Variants in RBBP8 observed in about 807,000 individuals in gnomAD.
RBBP8 encodes the protein RB binding protein 8, endonuclease, also known as DNA endonuclease RBBP8.
In RBBP8, 88 loss-of-function variants were observed where a neutral mutation model predicts 108.3. That is an observed-to-expected ratio of 0.81 (90% CI 0.68 to 0.97). The LOEUF (loss-of-function observed/expected upper bound fraction) is 0.97, where lower values mean the gene tolerates loss of function less well. RBBP8 is among the 50% of genes least tolerant of loss of function. The pLI, the probability that RBBP8 is intolerant of heterozygous loss-of-function variation, is 0.00. For synonymous variants in RBBP8, 332 were observed against 348.2 expected (o/e 0.95, Z 0.52); for missense variants, 1,023 against 1,049.0 (o/e 0.98, Z 0.34).
upstream of RBBP8, among the ~76,000 whole-genome samples, chr18:22,930,921 ACCACTGTGT>A (rs1193114548): frequency 6.6e-6 from 1 of 152,176 alleles, no homozygotes; most frequent in East Asian, 1.9e-4. Flanking sequence ...AGAGGCACGA[ACCACTGTGT>A]CCAGCTATTT....
At chr18:22,974,680 G>A (rs566083348) in intron 5 of RBBP8, among the ~76,000 whole-genome samples, 3 of 152,210 alleles carry the variant, frequency 2.0e-5, no homozygotes, top group East Asian at 1.9e-4. Flanking sequence ...GGCTGGTCTC[G>A]AACTCCTCAC....
chr18:22,997,659 A>G lies in RBBP8; in HGVS notation c.2068A>G (p.Met690Val), dbSNP rs776591880. 3.7e-6 allele frequency: 6 copies of G among 1,610,604 alleles called. No individual in the cohort carries two copies. The highest frequency in any genetic ancestry group is 5.1e-6 in the Non-Finnish European group (6 of 1,177,860). Reference protein sequence around the residue: ...QSKLGGETVDMDCTLVSETVL... With the variant: ...QSKLGGETVDVDCTLVSETVL... ...AAAATTAGGAGGAGAGACAGTGGAC[A>G]TGGACTGTACATTGGTTAGTGAAAC... The change falls in exon 14 of 19, where the codon ATG (methionine) becomes GTG (valine). Residue 690 changes from methionine to valine, a missense_variant. Physicochemically the swap from Met to Val is conservative, Grantham distance 21 (BLOSUM62 1). Transcript: ENST00000327155.
At chr18:22,918,539 T>C (rs1003699118) in intron 3 of RBBP8, among the ~76,000 whole-genome samples, 2 of 152,232 alleles carry the variant, frequency 1.3e-5, no homozygotes, top group African/African-American at 4.8e-5. Flanking sequence ...AGGACCACTG[T>C]AGCATTTGTG....
At chr18:22,971,881 G>A (rs550053003) in intron 5 of RBBP8, among the ~76,000 whole-genome samples, 4 of 150,020 alleles carry the variant, frequency 2.7e-5, no homozygotes, top group South Asian at 2.1e-4. Context: ...TCCTGACCTC[G>A]TGATCCGCTC....
chr18:22,928,057 T>C (rs1291163602), intron 3 of RBBP8, among the ~76,000 whole-genome samples: 3 of 151,604 alleles, frequency 2.0e-5, no homozygotes, highest in African/African-American at 7.3e-5. Context: ...AAAGACACAA[T>C]AATTAGCTAG....
At chr18:23,018,296 A>T (rs1378060347) in intron 17 of RBBP8, among the ~76,000 whole-genome samples, 6 of 151,862 alleles carry the variant, frequency 4.0e-5, no homozygotes, top group Non-Finnish European at 8.8e-5. Context: ...ACCTCAGGTG[A>T]TCTGCCCACC....
At chr18:22,923,652 G>A (rs1191042164) in intron 3 of RBBP8, among the ~76,000 whole-genome samples, 11 of 152,096 alleles carry the variant, frequency 7.2e-5, no homozygotes, top group Non-Finnish European at 1.6e-4. Flanking sequence ...CCCAGCTCAC[G>A]ACTCTTTCCA....
At chr18:22,946,338 G>A (rs1598646442) in intron 2 of RBBP8, 106 bp from the exon 3 acceptor site, 1 of 1,488,536 alleles carries the variant, frequency 6.7e-7, no homozygotes, top group East Asian at 2.4e-5. Flanking sequence ...AAACTAATGA[G>A]ACCTGGTTTA....
chr18:22,947,305 C>G lies in RBBP8; in HGVS notation c.152+819C>G, dbSNP rs545537455. On this transcript the variant is annotated intron_variant, in intron 3 of 18. Transcript: ENST00000327155. ...CAAAGTTTCTTTGTAGAGGGTATAA[C>G]TCGAACATAATGTTTTGTCCATTTT... 2.0e-5 allele frequency among the ~76,000 whole-genome samples: 3 copies of G among 152,090 alleles called. No homozygotes were observed. In the East Asian group the frequency reaches 5.8e-4, roughly 29 times the overall value.
Position 22,996,475 on chromosome 18 carries a change from G to T in RBBP8, c.2028+13G>T, listed in dbSNP as rs775269955. ...AATAGATACAAAGGTAAGTTAAAAA[G>T]TAAAACCAAAACTCATTTGACTTTT... On this transcript the variant is annotated intron_variant, in intron 13 of 18. Coordinates refer to ENST00000327155, the MANE Select transcript of RBBP8 (RefSeq NM_002894.3). 6.2e-6 allele frequency: 10 copies of T among 1,612,534 alleles called. No homozygotes were observed. The highest frequency in any genetic ancestry group is 1.1e-5 in the South Asian group (1 of 90,974).
chr18:22,999,365 G>C (rs976068551), intron 14 of RBBP8, among the ~76,000 whole-genome samples: 1 of 152,198 alleles, frequency 6.6e-6, no homozygotes, highest in Non-Finnish European at 1.5e-5. Flanking sequence ...TGGGCAGCTG[G>C]AGAGTGAATT....
intron 3 of RBBP8, among the ~76,000 whole-genome samples, chr18:22,919,079 G>T (rs953897813): frequency 2.0e-5 from 3 of 152,210 alleles, no homozygotes; most frequent in Admixed American, 1.3e-4. Flanking sequence ...GAAGATAGAA[G>T]AGGATTTAAC....
chr18:22,918,554 A>C (rs1408104975), intron 3 of RBBP8, among the ~76,000 whole-genome samples: 1 of 152,218 alleles, frequency 6.6e-6, no homozygotes, highest in Non-Finnish European at 1.5e-5. Context: ...TTTGTGTTCC[A>C]CTGCTGATCA....
rs1274418562 is a variant in RBBP8, at chr18:22,936,783, A to G, written c.-69A>G. The G allele has an allele frequency of 4.4e-6, 7 of 1,585,694 alleles. No individual in the cohort carries two copies. Among genetic ancestry groups the G allele is most frequent in the Non-Finnish European group, 6.1e-6 (7 of 1,155,984 alleles). ...TTGACCTGTCCAAAGACGACTTGAT[A>G]CCTCTATAATGTAACAGAAAAGGTC... is the stretch of plus-strand genomic sequence containing the variant. On this transcript the variant is annotated 5_prime_UTR_variant, in exon 2 of 19. It adds an upstream start codon to the 5' untranslated region. Coordinates refer to ENST00000327155, the MANE Select transcript of RBBP8 (RefSeq NM_002894.3).
At chr18:22,920,240 G>C (rs2144334055) in intron 3 of RBBP8, among the ~76,000 whole-genome samples, 1 of 152,282 alleles carries the variant, frequency 6.6e-6, no homozygotes, top group South Asian at 2.1e-4. Context: ...GCTGCAGTGA[G>C]CTGTCTTCAC....
At chr18:22,938,883 A>G (rs1331195945) in intron 2 of RBBP8, among the ~76,000 whole-genome samples, 2 of 152,240 alleles carry the variant, frequency 1.3e-5, no homozygotes, top group Non-Finnish European at 2.9e-5. Context: ...ATTACAGTAC[A>G]GTGAAATAAC....
chr18:22,972,534 C>T (rs1247089141), intron 5 of RBBP8, among the ~76,000 whole-genome samples: 1 of 151,632 alleles, frequency 6.6e-6, no homozygotes, highest in Non-Finnish European at 1.5e-5. Context: ...CTGCCTCAGC[C>T]TCCCCAGTAG....
chr18:22,953,258 AC>A (rs1912197388), intron 4 of RBBP8, among the ~76,000 whole-genome samples: 1 of 152,134 alleles, frequency 6.6e-6, no homozygotes, highest in Non-Finnish European at 1.5e-5. Context: ...TGGTGTATTC[AC>A]CTATGTGGAA....
chr18:22,992,911 C>T lies in RBBP8; in HGVS notation c.1084C>T (p.Leu362Phe), dbSNP rs776776263. 1 of 1,613,934 alleles carries T rather than the reference C, an allele frequency of 6.2e-7. No individual in the cohort carries two copies. Among genetic ancestry groups the T allele is most frequent in the Non-Finnish European group, 8.5e-7 (1 of 1,179,886 alleles). Residue 362 changes from leucine to phenylalanine, a missense_variant, in exon 11 of 19, where the codon CTC becomes TTC. Coordinates refer to ENST00000327155, the MANE Select transcript of RBBP8 (RefSeq NM_002894.3). ...TGGGAAAAAAAAACATCTGAAAACACTCCCTTTTAGCAACACTTGTATATC... is the reference window on the plus strand; with the variant it reads ...TGGGAAAAAAAAACATCTGAAAACATTCCCTTTTAGCAACACTTGTATATC... ...QPGKKKHLKT[L>F]PFSNTCISRL...
Sources: gnomAD v4.1 joint callset for allele counts (sites outside exome capture counted in the v4.1 genomes callset) on GRCh38, gnomAD v4.1.1 for gene constraint, MANE v1.5 for transcripts, NCBI Gene and HGNC (gene_info 2026-07-23, HGNC 2026-07-21) for gene names.